The following ROBO1 variants were observed in gnomAD, a reference collection of about 807,000 sequenced individuals.
ROBO1 encodes the protein roundabout guidance receptor 1.
In ROBO1, 149 loss-of-function variants were observed where a neutral mutation model predicts 195.9. That is an observed-to-expected ratio of 0.76 (90% CI 0.67 to 0.87). ROBO1 has a LOEUF of 0.87. Among genes scored for constraint, ROBO1 ranks in the 40% least tolerant of loss-of-function variants. The probability of loss-of-function intolerance (pLI) is 0.00; values close to 1 mark genes in which losing one functional copy is unlikely to be tolerated. For synonymous variants in ROBO1, 816 were observed against 733.2 expected (o/e 1.11, Z -1.82); for missense variants, 1,933 against 2,068.3 (o/e 0.93, Z 1.27).
In ROBO1 at chr3:78,938,916, G is replaced by A. The variant is rs773336130; in HGVS notation, c.184C>T (p.Arg62Cys). ...ATGCGAGGTGGAAAATCTTCCTGAC[G>A]AAGACGGGAGCCTGCAGAAGAATTC... ...NSLGYTGSRL[R>C]QEDFPPRIVE... Residue 62 changes from arginine to cysteine, a missense_variant, in exon 4 of 31, where the codon CGT becomes TGT. Around this residue, in one of 3 missense-constraint regions of ROBO1, gnomAD observed 185 missense variants for 159.5 expected, o/e 1.16. Transcript: ENST00000464233. 6.2e-7 allele frequency: 1 copy of A among 1,606,418 alleles called. No individual in the cohort carries two copies. The highest frequency in any genetic ancestry group is 8.5e-7 in the Non-Finnish European group (1 of 1,175,794).
At chr3:79,431,372 C>G (rs1320007662) in intron 2 of ROBO1, among the ~76,000 whole-genome samples, 1 of 152,214 alleles carries the variant, frequency 6.6e-6, no homozygotes, top group East Asian at 1.9e-4. Flanking sequence ...TTCATTCCCA[C>G]CGTGCAAGTG....
chr3:78,987,078 C>G (rs1576517235), intron 3 of ROBO1, among the ~76,000 whole-genome samples: 2 of 151,028 alleles, frequency 1.3e-5, no homozygotes, highest in East Asian at 1.9e-4. Context: ...AACCTCTCCC[C>G]CCAAAACATG....
intron 1 of ROBO1, among the ~76,000 whole-genome samples, chr3:79,618,459 A>T (rs575285993): frequency 5.8e-4 from 88 of 152,176 alleles, no homozygotes; most frequent in African/African-American, 2.1e-3. Context: ...TAACTGATCA[A>T]CTGACCTTGT....
intron 3 of ROBO1, among the ~76,000 whole-genome samples, chr3:78,963,681 C>T (rs2041523282): frequency 6.6e-6 from 1 of 151,536 alleles, no homozygotes; most frequent in Non-Finnish European, 1.5e-5. Context: ...CCACGCCTGG[C>T]TAATTTTTTG....
chr3:79,478,763 T>C (rs527645786), intron 2 of ROBO1, among the ~76,000 whole-genome samples: 1 of 152,312 alleles, frequency 6.6e-6, no homozygotes, highest in African/African-American at 2.4e-5. Context: ...AGCCATTCTG[T>C]AGCTCTCCCA....
chr3:79,539,763 T>C (rs1363524205), intron 2 of ROBO1, among the ~76,000 whole-genome samples: 1 of 152,126 alleles, frequency 6.6e-6, no homozygotes, highest in Non-Finnish European at 1.5e-5. Context: ...CAATTTTTCA[T>C]GCTTAAGAAG....
chr3:78,646,049 T>C (rs1706261394), intron 21 of ROBO1, 99 bp downstream of exon 21: 2 of 1,071,352 alleles, frequency 1.9e-6, no homozygotes, highest in Non-Finnish European at 1.4e-6. Flanking sequence ...ATTCCACCTT[T>C]AAGTTAGACT....
At chr3:78,775,386 C>T (rs1239906349) in intron 4 of ROBO1, among the ~76,000 whole-genome samples, 1 of 151,930 alleles carries the variant, frequency 6.6e-6, no homozygotes, top group East Asian at 1.9e-4. Context: ...TTATATAATA[C>T]ATTTTATTCT....
intron 3 of ROBO1, among the ~76,000 whole-genome samples, chr3:79,053,242 C>G (rs1354879472): frequency 2.0e-5 from 3 of 151,990 alleles, no homozygotes; most frequent in African/African-American, 4.8e-5. Context: ...CCTCAACCTT[C>G]CTCTCCCACA....
intron 2 of ROBO1, among the ~76,000 whole-genome samples, chr3:79,525,725 C>A (rs1256530848): frequency 1.3e-5 from 2 of 151,488 alleles, no homozygotes; most frequent in African/African-American, 4.8e-5. Flanking sequence ...CCTGCCTCAG[C>A]CTCCTGAGTG....
chr3:79,307,526 C>A (rs1278433083), intron 2 of ROBO1, among the ~76,000 whole-genome samples: 1 of 151,940 alleles, frequency 6.6e-6, no homozygotes, highest in Non-Finnish European at 1.5e-5. Context: ...CTTAATACTT[C>A]TTTTTATTTG....
intron 2 of ROBO1, among the ~76,000 whole-genome samples, chr3:79,238,600 T>A (rs1576857513): frequency 6.6e-6 from 1 of 152,204 alleles, no homozygotes; most frequent in South Asian, 2.1e-4. Context: ...TGCTTAAACA[T>A]TAACTAATGT....
rs149509521 is a variant in ROBO1, at chr3:78,800,544, T to TTTTG, written c.500-53648_500-53645dup. ...GTGAAGATGGCCAAATGAAGCTGTT[T>TTTTG]TTTGTTTGTTTGTTTGTTTGTTTGT... On this transcript the variant is annotated intron_variant, in intron 4 of 30. Coordinates refer to ENST00000464233, the MANE Select transcript of ROBO1 (RefSeq NM_002941.4). Among the ~76,000 whole-genome samples the TTTTG allele has an allele frequency of 3.6e-3, 547 of 151,848 alleles. 3 individuals carry two copies. The highest frequency in any genetic ancestry group is 0.01 in the African/African-American group (414 of 41,350).
intron 2 of ROBO1, among the ~76,000 whole-genome samples, chr3:79,186,130 C>T (rs1223691386): frequency 6.6e-6 from 1 of 151,986 alleles, no homozygotes; most frequent in Non-Finnish European, 1.5e-5. Flanking sequence ...TTCTGTAGCC[C>T]AAGCTCTGTA....
At chr3:79,293,408 T>G (rs1375042630) in intron 2 of ROBO1, among the ~76,000 whole-genome samples, 2 of 152,218 alleles carry the variant, frequency 1.3e-5, no homozygotes, top group African/African-American at 4.8e-5. Flanking sequence ...AGTTATTTCT[T>G]GTCTTCTGCT....
At chr3:79,606,470 G>A (rs1009195354) in intron 1 of ROBO1, among the ~76,000 whole-genome samples, 6 of 151,884 alleles carry the variant, frequency 4.0e-5, no homozygotes, top group Admixed American at 6.6e-5. Context: ...TAGAGAAAGG[G>A]TCTTGCTTCC....
At chr3:79,211,781 C>G (rs570179874) in intron 2 of ROBO1, among the ~76,000 whole-genome samples, 4 of 152,068 alleles carry the variant, frequency 2.6e-5, no homozygotes, top group South Asian at 4.2e-4. Context: ...GACTGATTGC[C>G]GAGACCAGCT....
chr3:79,745,405 T>C (rs1418280088), intron 1 of ROBO1, among the ~76,000 whole-genome samples: 2 of 152,206 alleles, frequency 1.3e-5, no homozygotes, highest in Non-Finnish European at 2.9e-5. Flanking sequence ...GAGAAACACA[T>C]TTATGTAATT....
At chr3:79,482,972 A>C (rs1938946974) in intron 2 of ROBO1, among the ~76,000 whole-genome samples, 1 of 152,180 alleles carries the variant, frequency 6.6e-6, no homozygotes, top group Non-Finnish European at 1.5e-5. Context: ...GGCCGAGTCA[A>C]ACTCCTCAAC....
Sources: allele counts gnomAD v4.1 joint callset (sites outside exome capture counted in the v4.1 genomes callset), GRCh38; gene constraint gnomAD v4.1.1; regional missense constraint gnomAD v4.1.1; transcripts MANE v1.5; gene names NCBI Gene and HGNC (gene_info 2026-07-23, HGNC 2026-07-21).